The following MSRA variants were observed in gnomAD, a reference collection of about 807,000 sequenced individuals.
MSRA encodes the protein mitochondrial peptide methionine sulfoxide reductase.
Under a neutral mutation model 31.3 loss-of-function variants are expected in MSRA, and 54 were observed. The ratio of observed to expected loss-of-function variants is 1.73; its 90% CI spans 1.39 to 2.17. MSRA has a LOEUF of 2.17. Ranked by LOEUF, MSRA falls within the 30% of genes most tolerant of loss-of-function variation. The pLI is 0.00. For missense variants in MSRA, 507 were observed against 300.9 expected (o/e 1.69, Z -5.07); for synonymous variants, 169 against 116.5 (o/e 1.45, Z -2.90).
At chr8:10,134,436 G>C (rs1480241495) in intron 1 of MSRA, among the ~76,000 whole-genome samples, 1 of 152,252 alleles carries the variant, frequency 6.6e-6, no homozygotes, top group African/African-American at 2.4e-5. Context: ...GCTTCGCAAT[G>C]GGGGTTTCAG....
chr8:10,102,882 A>C (rs1409443563), intron 1 of MSRA, among the ~76,000 whole-genome samples: 6 of 152,062 alleles, frequency 3.9e-5, no homozygotes, highest in Non-Finnish European at 8.8e-5. Flanking sequence ...TTAGTTTTGT[A>C]CTGGGTGCAG....
At chr8:10,273,854 C>T (rs959126814) in intron 3 of MSRA, among the ~76,000 whole-genome samples, 5 of 152,094 alleles carry the variant, frequency 3.3e-5, no homozygotes, top group Admixed American at 1.3e-4. Flanking sequence ...ACATTATGAT[C>T]CTCGAGCCAA....
chr8:10,428,155 C>T lies in MSRA; in HGVS notation c.551C>T (p.Ser184Leu). Residue 184 changes from serine to leucine, a missense_variant, in exon 6 of 6, where the codon TCA becomes TTA. Physicochemically the swap from Ser to Leu is moderately radical, Grantham distance 145. Coordinates refer to ENST00000317173, the MANE Select transcript of MSRA (RefSeq NM_012331.5). ...CTTTCTGTGTCCCCACAGGTTCTTT[C>T]AGAGCACGGCTTCGGCCCCATCACT... The part of the protein sequence containing the change: ...SSKENYQKVL[S>L]EHGFGPITTD... The T allele has an allele frequency of 6.2e-7, 1 of 1,612,114 alleles. No homozygotes were observed. The highest frequency in any genetic ancestry group is 8.5e-7 in the Non-Finnish European group (1 of 1,179,562).
intron 1 of MSRA, among the ~76,000 whole-genome samples, chr8:10,071,458 C>CTTTTTTTT (rs77512999): frequency 4.6e-5 from 6 of 129,272 alleles, no homozygotes; most frequent in Non-Finnish European, 6.5e-5. Flanking sequence ...TTTTAATTTT[C>CTTTTTTTT]TTTTTTTTTT....
chr8:10,313,048 G>T (rs965899842), intron 4 of MSRA, among the ~76,000 whole-genome samples: 7 of 152,136 alleles, frequency 4.6e-5, no homozygotes, highest in African/African-American at 1.4e-4. Flanking sequence ...TATGCTGATT[G>T]AAAAATCCAC....
At chr8:10,251,759 G>T (rs558782246) in intron 3 of MSRA, among the ~76,000 whole-genome samples, 2 of 151,994 alleles carry the variant, frequency 1.3e-5, no homozygotes, top group East Asian at 3.9e-4. Context: ...AAAAGTATAG[G>T]TAATGAGAAA....
chr8:10,247,037 C>G (rs1337698213), intron 3 of MSRA, among the ~76,000 whole-genome samples: 2 of 152,208 alleles, frequency 1.3e-5, no homozygotes, highest in Non-Finnish European at 2.9e-5. Context: ...CTATTATCCT[C>G]AAGCAGCAAA....
At chr8:10,169,495 A>G (rs1805419425) in intron 1 of MSRA, among the ~76,000 whole-genome samples, 2 of 152,228 alleles carry the variant, frequency 1.3e-5, no homozygotes, top group African/African-American at 4.8e-5. Context: ...ACCTAGGTGT[A>G]AAACATAAAA....
At chr8:10,125,175 CA>C (rs1801410347) in intron 1 of MSRA, among the ~76,000 whole-genome samples, 1 of 152,170 alleles carries the variant, frequency 6.6e-6, no homozygotes, top group Non-Finnish European at 1.5e-5. Context: ...TGACGGCTGC[CA>C]GGTGCCTCAT....
At chr8:10,342,415 C>T (rs921987324) in intron 5 of MSRA, among the ~76,000 whole-genome samples, 2 of 152,170 alleles carry the variant, frequency 1.3e-5, no homozygotes, top group African/African-American at 4.8e-5. Context: ...CACCTGCACC[C>T]ATGAGAGAAT....
intron 1 of MSRA, among the ~76,000 whole-genome samples, chr8:10,127,087 A>G (rs905410546): frequency 1.3e-5 from 2 of 152,210 alleles, no homozygotes; most frequent in Non-Finnish European, 2.9e-5. Context: ...ATTTCTCTAG[A>G]ATTCATAACT....
chr8:10,426,888 C>T (rs888895132), intron 5 of MSRA, among the ~76,000 whole-genome samples: 1 of 152,226 alleles, frequency 6.6e-6, no homozygotes, highest in Non-Finnish European at 1.5e-5. Context: ...TTCCTAACCC[C>T]TGCAAGAAAA....
intron 5 of MSRA, among the ~76,000 whole-genome samples, chr8:10,379,767 T>C (rs1303234707): frequency 3.3e-5 from 5 of 152,356 alleles, no homozygotes; most frequent in African/African-American, 1.2e-4. Flanking sequence ...CCTCAGGGTT[T>C]CTTTTAGGCC....
intron 1 of MSRA, among the ~76,000 whole-genome samples, chr8:10,196,255 G>A (rs971016841): frequency 2.0e-5 from 3 of 152,140 alleles, no homozygotes; most frequent in African/African-American, 4.8e-5. Context: ...CCTTCTCTTC[G>A]TGCTGTGGTG....
At chr8:10,099,425 G>C (rs538952122) in intron 1 of MSRA, among the ~76,000 whole-genome samples, 3 of 152,180 alleles carry the variant, frequency 2.0e-5, no homozygotes, top group Non-Finnish European at 4.4e-5. Flanking sequence ...TAGTTGGGTA[G>C]AGGAGAGGAT....
intron 3 of MSRA, among the ~76,000 whole-genome samples, chr8:10,293,710 TCC>T (rs1800374966): frequency 6.6e-6 from 1 of 152,032 alleles, no homozygotes; most frequent in African/African-American, 2.4e-5. Flanking sequence ...GTTTCCTTCC[TCC>T]CCTCCTGCTT....
chr8:10,417,953 A>G (rs909060925), intron 5 of MSRA, among the ~76,000 whole-genome samples: 1 of 152,096 alleles, frequency 6.6e-6, no homozygotes, highest in Non-Finnish European at 1.5e-5. Context: ...TAGAATCCAC[A>G]TGCCCGCGTC....
Position 10,113,289 on chromosome 8 carries a change from C to CTTTTTTTTTTTTTTTTTTTTTTTTTTT in MSRA, c.142+58633_142+58634insTTTTTTTTTTTTTTTTTTTTTTTTTTT, listed in dbSNP as rs1467440154. 4.3e-4 allele frequency among the ~76,000 whole-genome samples: 22 copies of CTTTTTTTTTTTTTTTTTTTTTTTTTTT among 50,906 alleles called. 5 individuals are homozygous for CTTTTTTTTTTTTTTTTTTTTTTTTTTT. The highest frequency in any genetic ancestry group is 4.8e-4 in the Non-Finnish European group (15 of 31,492). 33.4% of individuals were successfully genotyped at this position (50,906 alleles called of 152,430 possible). Reference sequence around the variant, plus strand: ...AGGCATGGCTTTGGTGAAGACAGGTCTTCTTTTTTTTTTTTTTTTTTTTTT... The same window carrying CTTTTTTTTTTTTTTTTTTTTTTTTTTT: ...AGGCATGGCTTTGGTGAAGACAGGTCTTTTTTTTTTTTTTTTTTTTTTTTTTTTTCTTTTTTTTTTTTTTTTTTTTTT... On this transcript the variant is annotated intron_variant, in intron 1 of 5. Coordinates refer to ENST00000317173, the MANE Select transcript of MSRA (RefSeq NM_012331.5).
At chr8:10,283,802 CATATATATATATATATATATATAT>C (rs375322603) in intron 3 of MSRA, among the ~76,000 whole-genome samples, 2 of 46,162 alleles carry the variant, frequency 4.3e-5, no homozygotes, top group Admixed American at 5.1e-4. Flanking sequence ...TATTCTATCT[CATATATATATATATATATATATAT>C]ATATATATAT....
Sources: gnomAD v4.1 joint callset for allele counts (sites outside exome capture counted in the v4.1 genomes callset) on GRCh38, gnomAD v4.1.1 for gene constraint, MANE v1.5 for transcripts, NCBI Gene and HGNC (gene_info 2026-07-23, HGNC 2026-07-21) for gene names.